The following NUDC variants were observed in gnomAD, a reference collection of about 807,000 sequenced individuals.
The protein encoded by NUDC is nuclear migration protein nudC.
NUDC carries 14 observed loss-of-function variants against 45.0 expected under a neutral mutation model. That is an observed-to-expected ratio of 0.31 (90% CI 0.21 to 0.49). The LOEUF (loss-of-function observed/expected upper bound fraction) is 0.49, where lower values mean the gene tolerates loss of function less well. Among genes scored for constraint, NUDC ranks in the 20% least tolerant of loss-of-function variants. The pLI, the probability that NUDC is intolerant of heterozygous loss-of-function variation, is 0.99. For synonymous variants in NUDC, 153 were observed against 156.7 expected (o/e 0.98, Z 0.17); for missense variants, 323 against 426.2 (o/e 0.76, Z 2.13).
intron 2 of NUDC, among the ~76,000 whole-genome samples, chr1:26,931,989 T>C (rs1319424349): frequency 1.4e-5 from 2 of 143,034 alleles, no homozygotes; most frequent in African/African-American, 2.6e-5. Flanking sequence ...CTTGGCCCCT[T>C]TTTTTTTTTT....
chr1:26,920,776 C>CAAA (rs758430801), upstream of NUDC, among the ~76,000 whole-genome samples: 1,165 of 133,724 alleles, frequency 8.7e-3, 5 homozygotes, highest in Non-Finnish European at 0.013. Context: ...AAACAAAAAA[C>CAAA]AAAAAAAAAA....
intron 2 of NUDC, among the ~76,000 whole-genome samples, chr1:26,929,413 C>CA (rs59479684): frequency 0.02 from 2,656 of 130,620 alleles, 55 homozygotes; most frequent in African/African-American, 0.061. Context: ...TCTGAAAAAA[C>CA]AAAAAAAAAA....
intron 2 of NUDC, among the ~76,000 whole-genome samples, chr1:26,927,643 G>A (rs908590474): frequency 2.0e-5 from 3 of 151,842 alleles, no homozygotes; most frequent in East Asian, 3.9e-4. Context: ...TGATCTGCCC[G>A]CTTCGGCCCC....
chr1:26,937,163 G>C (rs564506775), intron 2 of NUDC, among the ~76,000 whole-genome samples: 1 of 152,234 alleles, frequency 6.6e-6, no homozygotes, highest in Non-Finnish European at 1.5e-5. Context: ...TGTAGGGCTA[G>C]GTATGGGGGT....
In NUDC at chr1:26,946,777, G is replaced by A. The variant is rs1181719536; in HGVS notation, c.*596G>A. The stretch of plus-strand genomic sequence containing the variant: ...TGAGGCAGGAGAATCGCTTGAACCC[G>A]GGTGGCGGAGGTTGCAGTGAGCCGA... On this transcript the variant is annotated 3_prime_UTR_variant, in exon 9 of 9. Transcript: ENST00000321265. The A allele has an allele frequency of 1.2e-5, 2 of 161,048 alleles. No individual in the cohort carries two copies. Among genetic ancestry groups the A allele is most frequent in the Non-Finnish European group, 2.7e-5 (2 of 72,802 alleles). 10.0% of individuals were successfully genotyped at this position (161,048 alleles called of 1,614,324 possible).
At chr1:26,916,686 C>G (rs925585463) in intron 3 of NUDC, among the ~76,000 whole-genome samples, 1 of 152,056 alleles carries the variant, frequency 6.6e-6, no homozygotes, top group Non-Finnish European at 1.5e-5. Flanking sequence ...TGGCCGGGCA[C>G]GGTGGCTCAC....
chr1:26,925,322 C>G (rs1343079670), intron 2 of NUDC, among the ~76,000 whole-genome samples: 1 of 151,188 alleles, frequency 6.6e-6, no homozygotes, highest in Non-Finnish European at 1.5e-5. Flanking sequence ...TGGCGGATCA[C>G]GAGGTCAGGA....
At chr1:26,929,730 A>G in intron 2 of NUDC, 1 of 449,934 alleles carries the variant, frequency 2.2e-6, no homozygotes, top group Non-Finnish European at 4.5e-6. Context: ...CTGTTTAAAA[A>G]CATAACTGTA....
upstream of NUDC, among the ~76,000 whole-genome samples, chr1:26,919,687 C>T (rs1021931400): frequency 2.6e-5 from 4 of 152,176 alleles, no homozygotes; most frequent in African/African-American, 9.7e-5. Context: ...CCAGCTATAT[C>T]CCACCAAATC....
At position 26,905,659 on chromosome 1, in the gene NUDC, G is replaced by A. The variant is rs74866414; in HGVS notation, c.-16+3293G>A. 1.5e-4 allele frequency among the ~76,000 whole-genome samples: 23 copies of A among 152,294 alleles called. 1 individual carries two copies. In the East Asian group the frequency reaches 3.3e-3, roughly 22 times the overall value. ...CCGAGTTCCCAGTCTCTGGTAATCA[G>A]GGGTAATTTTTTGCCCTGGTATAGG... On this transcript the variant is annotated intron_variant, in intron 2 of 6. Transcript: ENST00000435827.
chr1:26,943,090 C>T, intron 6 of NUDC, 25 bp downstream of exon 6: 1 of 1,612,586 alleles, frequency 6.2e-7, no homozygotes, highest in Non-Finnish European at 8.5e-7. Context: ...GCCCTTCTAG[C>T]CTGGGGTGTT....
chr1:26,945,628 C>T lies in NUDC; in HGVS notation c.886C>T (p.Gln296Ter). The stretch of plus-strand genomic sequence containing the variant: ...GGAAAAGATGATGTATGACCAGCGA[C>T]AGAAGTCCATGGGGCTGCCAACTTC... Reference protein sequence around the residue: ...MVEKMMYDQRQKSMGLPTSDE... With the variant: ...MVEKMMYDQR Residue 296 changes from glutamine to a stop codon, truncating the protein, a stop_gained, in exon 8 of 9, where the codon CAG (glutamine) becomes TAG (stop). Coordinates refer to ENST00000321265, the MANE Select transcript of NUDC (RefSeq NM_006600.4). LOFTEE classifies it high-confidence loss of function. 6.2e-7 allele frequency: 1 copy of T among 1,614,202 alleles called. No homozygotes were observed. The highest frequency in any genetic ancestry group is 8.5e-7 in the Non-Finnish European group (1 of 1,180,040).
chr1:26,924,664 C>T (rs1339758808), intron 2 of NUDC, among the ~76,000 whole-genome samples: 2 of 152,030 alleles, frequency 1.3e-5, no homozygotes, highest in Non-Finnish European at 2.9e-5. Context: ...AGCAATTCTC[C>T]TGCCTCAGCC....
upstream of NUDC, among the ~76,000 whole-genome samples, chr1:26,918,660 C>T (rs1351580889): frequency 6.6e-6 from 1 of 151,692 alleles, no homozygotes; most frequent in African/African-American, 2.4e-5. Flanking sequence ...CTACAACTTC[C>T]ACCTCCCAGA....
intron 2 of NUDC, among the ~76,000 whole-genome samples, chr1:26,934,508 C>A (rs61023793): frequency 1.3e-5 from 2 of 152,096 alleles, no homozygotes; most frequent in Non-Finnish European, 1.5e-5. Context: ...TTTCAAAACA[C>A]AATCATGCCC....
chr1:26,939,818 T>A (rs1309859277), intron 2 of NUDC, among the ~76,000 whole-genome samples: 1 of 152,214 alleles, frequency 6.6e-6, no homozygotes, highest in African/African-American at 2.4e-5. Context: ...TCTAACAGGT[T>A]CCAGGTGATG....
chr1:26,927,888 G>A (rs536499273), intron 2 of NUDC, among the ~76,000 whole-genome samples: 4 of 152,142 alleles, frequency 2.6e-5, no homozygotes, highest in South Asian at 4.1e-4. Context: ...TAATCTAATC[G>A]CAGGCCAGGA....
chr1:26,901,655 T>G (rs1322287745), intron 1 of NUDC, among the ~76,000 whole-genome samples: 1 of 152,142 alleles, frequency 6.6e-6, no homozygotes, highest in African/African-American at 2.4e-5. Flanking sequence ...TCCACCCGCC[T>G]TGGCCTCCCA....
intron 3 of NUDC, chr1:26,913,904 C>T (rs771279176): frequency 2.0e-6 from 3 of 1,484,566 alleles, no homozygotes; most frequent in Non-Finnish European, 2.7e-6. Context: ...CTTGCAGCTC[C>T]CTGGCATGGG....
Sources: gnomAD v4.1 joint callset for allele counts (sites outside exome capture counted in the v4.1 genomes callset) on GRCh38, gnomAD v4.1.1 for gene constraint, MANE v1.5 for transcripts, NCBI Gene and HGNC (gene_info 2026-07-23, HGNC 2026-07-21) for gene names.